Variants in TMEM132B observed in about 807,000 individuals in gnomAD.
TMEM132B encodes the protein transmembrane protein 132B.
TMEM132B carries 18 observed loss-of-function variants against 90.8 expected under a neutral mutation model. That is an observed-to-expected ratio of 0.20 (90% CI 0.14 to 0.29). The LOEUF is 0.29. TMEM132B is among the 10% of genes least tolerant of loss of function. TMEM132B has a pLI of 1.00. For synonymous variants in TMEM132B, 504 were observed against 523.3 expected, an observed-to-expected ratio of 0.96 and a Z score of 0.50; for missense variants, 1,096 against 1,326.8, an observed-to-expected ratio of 0.83 and a Z score of 2.70.
chr12:125,338,906 C>T (rs1428753166), intron 1 of TMEM132B, among the ~76,000 whole-genome samples: 7 of 152,130 alleles, frequency 4.6e-5, no homozygotes, highest in East Asian at 1.9e-4. Flanking sequence ...AAGTAAATTC[C>T]GTATCCTTCT....
chr12:125,311,944 T>C lies in TMEM132B; in HGVS notation c.68-37508T>C, dbSNP rs757316374. On this transcript the variant is annotated intron_variant, in intron 1 of 8. Transcript: ENST00000682704. ...ATTTGAGACTGAAGTAGGAAGTACA[T>C]GGCATAAAGGAGTGAAGCAGGTGCT... 1.8e-4 allele frequency among the ~76,000 whole-genome samples: 27 copies of C among 152,322 alleles called. No homozygotes were observed. The East Asian group carries it at 4.0e-3, about 23-fold the overall frequency.
intron 5 of TMEM132B, among the ~76,000 whole-genome samples, chr12:125,621,658 G>A (rs975694200): frequency 2.0e-5 from 3 of 152,306 alleles, no homozygotes; most frequent in Admixed American, 1.3e-4. Context: ...ACTCCCTTGA[G>A]TAACAACTAT....
intron 5 of TMEM132B, among the ~76,000 whole-genome samples, chr12:125,590,273 G>C (rs1229318580): frequency 6.6e-6 from 1 of 152,162 alleles, no homozygotes. Context: ...TCATATCCAT[G>C]AATGTTAACT....
chr12:125,280,893 T>C (rs955572229), intron 1 of TMEM132B, among the ~76,000 whole-genome samples: 3 of 151,180 alleles, frequency 2.0e-5, no homozygotes, highest in African/African-American at 7.3e-5. Context: ...GGGGTAGGAG[T>C]GAGCTGATTA....
intron 3 of TMEM132B, among the ~76,000 whole-genome samples, chr12:125,481,345 AT>A (rs1882037850): frequency 6.6e-6 from 1 of 152,218 alleles, no homozygotes; most frequent in South Asian, 2.1e-4. Context: ...ATGACTGTAT[AT>A]TTAGAAAACC....
At chr12:125,315,564 TAAC>T (rs1167167200) in intron 1 of TMEM132B, among the ~76,000 whole-genome samples, 9 of 152,196 alleles carry the variant, frequency 5.9e-5, no homozygotes, top group African/African-American at 2.2e-4. Context: ...GTATGTATCT[TAAC>T]TCAAGCAATC....
At position 125,349,789 on chromosome 12, in the gene TMEM132B, C is replaced by T. The variant is rs747848935; in HGVS notation, c.405C>T (p.Tyr135=). 3.2e-5 allele frequency: 51 copies of T among 1,614,272 alleles called. No individual in the cohort carries two copies. Among genetic ancestry groups the T allele is most frequent in the Non-Finnish European group, 4.2e-5 (50 of 1,180,050 alleles). ...LKSHILDSSI[Y]SNRPKVQTLF... ...CCCACATCCTTGACAGCTCCATCTA[C>T]TCCAACAGACCCAAAGTGCAGACCT... The change falls in exon 2 of 9, where the codon TAC becomes TAT. Residue 135 remains tyrosine (Y), a synonymous_variant. Coordinates refer to ENST00000682704, the MANE Select transcript of TMEM132B (RefSeq NM_001366854.1). The surrounding 1 kb of genome is among the most constrained non-coding windows in gnomAD (Gnocchi z 4.1).
chr12:125,255,140 T>G (rs532849854), intron 1 of TMEM132B, among the ~76,000 whole-genome samples: 1 of 152,200 alleles, frequency 6.6e-6, no homozygotes, highest in Non-Finnish European at 1.5e-5. Flanking sequence ...CCACGTGATG[T>G]GCCCTTGCCT....
chr12:125,324,402 A>G (rs1469325964), intron 1 of TMEM132B, among the ~76,000 whole-genome samples: 1 of 152,216 alleles, frequency 6.6e-6, no homozygotes, highest in Non-Finnish European at 1.5e-5. Context: ...GATTCATAGG[A>G]TAAGTTCTGA....
At chr12:125,438,640 C>T (rs1255927105) in intron 3 of TMEM132B, among the ~76,000 whole-genome samples, 4 of 148,498 alleles carry the variant, frequency 2.7e-5, no homozygotes, top group Non-Finnish European at 4.4e-5. Context: ...AAGCAAGAAA[C>T]AAAACTCTCT....
At chr12:125,637,696 A>T (rs193062274) in intron 5 of TMEM132B, among the ~76,000 whole-genome samples, 1 of 152,306 alleles carries the variant, frequency 6.6e-6, no homozygotes, top group East Asian at 1.9e-4. Flanking sequence ...GTAACCACTG[A>T]CACAAGTAAC....
intron 1 of TMEM132B, among the ~76,000 whole-genome samples, chr12:125,297,251 T>G (rs1278821300): frequency 1.3e-5 from 2 of 152,188 alleles, no homozygotes; most frequent in African/African-American, 4.8e-5. Flanking sequence ...GATCGTCTCA[T>G]GTCCCGAGGC....
chr12:125,650,592 T>C (rs1377648066), intron 6 of TMEM132B, 91 bp from the exon 7 acceptor site: 1 of 1,471,426 alleles, frequency 6.8e-7, no homozygotes, highest in African/African-American at 1.4e-5. Context: ...TTCATTTCAT[T>C]CTGTGGGCTC....
intron 4 of TMEM132B, among the ~76,000 whole-genome samples, chr12:125,541,413 A>G (rs1883954056): frequency 1.3e-5 from 2 of 152,084 alleles, no homozygotes; most frequent in African/African-American, 2.4e-5. Context: ...GCATCACTGG[A>G]CAGATGTTCA....
At position 125,408,963 on chromosome 12, in the gene TMEM132B, A is replaced by T. The variant is rs998472607; in HGVS notation, c.960-6568A>T. The stretch of plus-strand genomic sequence containing the variant: ...TGCACAAGGGGATACACCAGAGTGG[A>T]TTGTTAATAATAATAGTGATAATGA... On this transcript the variant is annotated intron_variant, in intron 2 of 8. Coordinates refer to ENST00000682704, the MANE Select transcript of TMEM132B (RefSeq NM_001366854.1). The surrounding 1 kb of genome is among the most constrained non-coding windows in gnomAD (Gnocchi z 5.9). Among the ~76,000 whole-genome samples the T allele has an allele frequency of 2.6e-5, 4 of 152,150 alleles. No individual in the cohort carries two copies. The highest frequency in any genetic ancestry group is 6.5e-5 in the Admixed American group (1 of 15,274).
chr12:125,413,405 C>T (rs10846883), intron 2 of TMEM132B, among the ~76,000 whole-genome samples: 25,451 of 151,898 alleles, frequency 0.17, 2,660 homozygotes, highest in East Asian at 0.44. Flanking sequence ...TTCACAGTGC[C>T]GTTGGACCAC....
In TMEM132B at chr12:125,655,993, C is replaced by CTAT. The variant is rs1887051009; in HGVS notation, c.*1284_*1285insATT. The CTAT allele has an allele frequency of 6.6e-6, 1 of 151,556 alleles. No individual in the cohort carries two copies. The highest frequency in any genetic ancestry group is 1.5e-5 in the Non-Finnish European group (1 of 67,960). The allele number at this position is 151,556 out of a possible 1,614,324, so 9.4% of individuals were successfully genotyped here. The stretch of plus-strand genomic sequence containing the variant: ...ATACAAATAAATGACTATTCCAGAA[C>CTAT]TCAAGAAGCAGCTATTATAGAAAAA... On this transcript the variant is annotated 3_prime_UTR_variant, in exon 9 of 9. Transcript: ENST00000682704.
intron 1 of TMEM132B, among the ~76,000 whole-genome samples, chr12:125,224,978 T>G (rs1167370529): frequency 6.6e-6 from 1 of 152,250 alleles, no homozygotes; most frequent in African/African-American, 2.4e-5. Context: ...AGGGGATTGC[T>G]GTATCCTAGG....
intron 3 of TMEM132B, among the ~76,000 whole-genome samples, chr12:125,509,198 A>G (rs560698102): frequency 1.3e-5 from 2 of 152,312 alleles, no homozygotes; most frequent in South Asian, 4.1e-4. Flanking sequence ...GTATGAATGC[A>G]CAAGTGTTAC....
Sources: gnomAD v4.1 joint callset for allele counts (sites outside exome capture counted in the v4.1 genomes callset) on GRCh38, gnomAD v4.1.1 for gene constraint, Gnocchi (gnomAD v3.1) non-coding constraint, MANE v1.5 for transcripts, NCBI Gene and HGNC (gene_info 2026-07-23, HGNC 2026-07-21) for gene names.